RNF150: variants seen among roughly 807,000 people sequenced by gnomAD.
The protein encoded by RNF150 is ring finger protein 150.
A neutral mutation model predicts 39.3 loss-of-function variants in RNF150; 24 were observed. That is an observed-to-expected ratio of 0.61 (90% CI 0.44 to 0.86). The LOEUF (loss-of-function observed/expected upper bound fraction) is 0.86. Among genes scored for constraint, RNF150 ranks in the 40% least tolerant of loss-of-function variants. RNF150 has a pLI of 0.00. For synonymous variants in RNF150, 255 were observed against 227.3 expected, an observed-to-expected ratio of 1.12 and a Z score of -1.10; for missense variants, 502 against 587.8, an observed-to-expected ratio of 0.85 and a Z score of 1.51.
chr4:141,077,136 T>C (rs1393616323), intron 1 of RNF150, among the ~76,000 whole-genome samples: 1 of 152,206 alleles, frequency 6.6e-6, no homozygotes, highest in African/African-American at 2.4e-5. Context: ...AATCAATGTG[T>C]TATACCCACT....
At chr4:141,093,385 G>A (rs1738666170) in intron 1 of RNF150, among the ~76,000 whole-genome samples, 2 of 151,130 alleles carry the variant, frequency 1.3e-5, no homozygotes, top group African/African-American at 4.9e-5. Flanking sequence ...AAAAGGGGGG[G>A]GAAAGGGAAC....
In RNF150 at chr4:140,861,970, T is replaced by C. The variant is rs181929567; in HGVS notation, c.*6291A>G. 4.6e-5 allele frequency: 7 copies of C among 152,338 alleles called. No homozygotes were observed. The highest frequency in any genetic ancestry group is 4.4e-5 in the Non-Finnish European group (3 of 68,032). The allele number at this position is 152,338 out of a possible 1,614,324, so 9.4% of individuals were successfully genotyped here. On this transcript the variant is annotated 3_prime_UTR_variant, in exon 7 of 7. Transcript: ENST00000515673. ...AAGGTTTAATGGTTTCATTCAACCA[T>C]GCAACCCACCTTCGCTTTTATTTAT...
At chr4:140,981,763 A>G (rs981530494) in intron 1 of RNF150, among the ~76,000 whole-genome samples, 5 of 152,178 alleles carry the variant, frequency 3.3e-5, no homozygotes, top group African/African-American at 1.2e-4. Context: ...TGATTTTTTA[A>G]GGTGAGACAG....
At chr4:140,960,117 TAG>T (rs142444851) in intron 2 of RNF150, among the ~76,000 whole-genome samples, 2,624 of 152,266 alleles carry the variant, frequency 0.017, 72 homozygotes, top group African/African-American at 0.06. Context: ...CTTGATACTC[TAG>T]CCCTTTGGTT....
In RNF150 at chr4:140,967,685, C is replaced by T. The variant is rs558259951; in HGVS notation, c.673G>A (p.Ala225Thr). The change falls in exon 2 of 7, where the codon GCA (alanine) becomes ACA (threonine). Residue 225 changes from alanine to threonine, a missense_variant. Transcript: ENST00000515673. Reference sequence around the variant, plus strand: ...TGGATGTAATAAAAGACGAGCCATGCGAGGGAAATGATCATCAGGACAATG... The same window carrying T: ...TGGATGTAATAAAAGACGAGCCATGTGAGGGAAATGATCATCAGGACAATG... ...SFIVLMIISL[A>T]WLVFYYIQRF... 7.4e-6 allele frequency: 12 copies of T among 1,613,266 alleles called. No individual in the cohort carries two copies. The highest frequency in any genetic ancestry group is 4.5e-5 in the East Asian group (2 of 44,848).
chr4:141,171,720 A>G (rs896670880), intron 1 of RNF150, among the ~76,000 whole-genome samples: 22 of 152,240 alleles, frequency 1.4e-4, no homozygotes, highest in Admixed American at 1.4e-3. Flanking sequence ...GCATGTACAT[A>G]TAGCACAACT....
chr4:141,186,856 A>G (rs572889518), intron 1 of RNF150, among the ~76,000 whole-genome samples: 1 of 151,640 alleles, frequency 6.6e-6, no homozygotes, highest in African/African-American at 2.4e-5. Flanking sequence ...TATCTCCTTC[A>G]GTTCTGTTCT....
chr4:141,085,466 A>C (rs1738327938), intron 1 of RNF150, among the ~76,000 whole-genome samples: 1 of 152,234 alleles, frequency 6.6e-6, no homozygotes, highest in Non-Finnish European at 1.5e-5. Flanking sequence ...GAGGTGCTCC[A>C]ATCAACATCC....
intron 1 of RNF150, among the ~76,000 whole-genome samples, chr4:141,170,458 A>G (rs1443372483): frequency 2.6e-5 from 4 of 152,236 alleles, no homozygotes; most frequent in Non-Finnish European, 4.4e-5. Flanking sequence ...GATTAAAAGC[A>G]ATAAAAAGTA....
At chr4:141,092,334 C>A (rs1738614367) in intron 1 of RNF150, among the ~76,000 whole-genome samples, 1 of 136,148 alleles carries the variant, frequency 7.3e-6, no homozygotes, top group Non-Finnish European at 1.6e-5. Context: ...CAGAGCAAGA[C>A]TCCCTGTACA....
intron 1 of RNF150, among the ~76,000 whole-genome samples, chr4:141,129,774 G>T (rs1221812747): frequency 6.6e-6 from 1 of 152,094 alleles, no homozygotes; most frequent in Non-Finnish European, 1.5e-5. Context: ...GAAAAAAACA[G>T]AAAACGTATA....
intron 4 of RNF150, among the ~76,000 whole-genome samples, chr4:140,931,007 A>C (rs1182922802): frequency 6.6e-6 from 1 of 151,802 alleles, no homozygotes; most frequent in East Asian, 1.9e-4. Context: ...TCAGCTCCTC[A>C]TCAGTGAAAT....
chr4:141,197,633 C>A (rs961416154), intron 1 of RNF150, among the ~76,000 whole-genome samples: 1 of 152,144 alleles, frequency 6.6e-6, no homozygotes, highest in Admixed American at 6.5e-5. Context: ...AATCCCAGCA[C>A]TTTGGGAGGC....
chr4:140,907,533 G>A (rs1730432834), intron 6 of RNF150, among the ~76,000 whole-genome samples: 1 of 152,026 alleles, frequency 6.6e-6, no homozygotes, highest in South Asian at 2.1e-4. Context: ...ACATGCATTT[G>A]ATCTACTGCA....
At chr4:141,071,837 C>G (rs1394173407) in intron 1 of RNF150, among the ~76,000 whole-genome samples, 1 of 152,138 alleles carries the variant, frequency 6.6e-6, no homozygotes, top group East Asian at 1.9e-4. Flanking sequence ...TGTACAGTCC[C>G]AAAGACCAAA....
intron 1 of RNF150, among the ~76,000 whole-genome samples, chr4:141,099,256 G>C (rs1340874528): frequency 6.6e-6 from 1 of 152,104 alleles, no homozygotes; most frequent in East Asian, 1.9e-4. Flanking sequence ...GAAAATGAGA[G>C]AACTCAAGAG....
At position 140,922,916 on chromosome 4, in the gene RNF150, T is replaced by G. The variant is rs1050332064; in HGVS notation, c.987+3061A>C. ...CGGTGCTGGGAAAACTGGCTAGACA[T>G]ATGTAGAAAGCTGAAACTGGATCCC... On this transcript the variant is annotated intron_variant, in intron 5 of 6. Transcript: ENST00000515673. Among the ~76,000 whole-genome samples, 5 of 150,880 alleles carry G rather than the reference T, an allele frequency of 3.3e-5. 1 individual carries two copies. Among genetic ancestry groups the G allele is most frequent in the African/African-American group, 1.2e-4 (5 of 40,206 alleles).
At chr4:141,072,097 C>T (rs1333455774) in intron 1 of RNF150, among the ~76,000 whole-genome samples, 1 of 152,194 alleles carries the variant, frequency 6.6e-6, no homozygotes, top group African/African-American at 2.4e-5. Flanking sequence ...GGATAATGAT[C>T]TGCTGCTGCA....
chr4:140,880,838 T>A (rs1672147096), intron 6 of RNF150, among the ~76,000 whole-genome samples: 1 of 152,102 alleles, frequency 6.6e-6, no homozygotes, highest in Non-Finnish European at 1.5e-5. Context: ...TAATATTTTT[T>A]ATTTCTTTGG....
Sources: allele counts gnomAD v4.1 joint callset (sites outside exome capture counted in the v4.1 genomes callset), GRCh38; gene constraint gnomAD v4.1.1; transcripts MANE v1.5; gene names NCBI Gene and HGNC (gene_info 2026-07-23, HGNC 2026-07-21).